Variants in RIT2 observed in about 807,000 individuals in gnomAD.
RIT2 encodes the protein GTP-binding protein Rit2.
Under a neutral mutation model 23.7 loss-of-function variants are expected in RIT2, and 24 were observed. The observed-to-expected ratio is 1.01, with a 90% CI of 0.73 to 1.43. The LOEUF (loss-of-function observed/expected upper bound fraction) is 1.43. Among genes scored for constraint, RIT2 ranks in the 40% most tolerant of loss-of-function variants. The pLI, the probability that RIT2 is intolerant of heterozygous loss-of-function variation, is 0.00. For missense variants in RIT2, 236 were observed against 266.9 expected (o/e 0.88, Z 0.81); for synonymous variants, 107 against 91.1 (o/e 1.17, Z -0.99).
intron 1 of RIT2, among the ~76,000 whole-genome samples, chr18:43,072,479 A>G (rs946172043): frequency 6.6e-6 from 1 of 152,238 alleles, no homozygotes; most frequent in Non-Finnish European, 1.5e-5. Flanking sequence ...AAAACAGGAC[A>G]TCATTCTCAG....
At chr18:42,950,547 G>A (rs1026269297) in intron 3 of RIT2, among the ~76,000 whole-genome samples, 2 of 151,914 alleles carry the variant, frequency 1.3e-5, no homozygotes, top group East Asian at 3.9e-4. Flanking sequence ...ACAAGTGGGA[G>A]CTGATTAAAC....
At chr18:42,973,198 A>G (rs996002238) in intron 3 of RIT2, among the ~76,000 whole-genome samples, 7 of 151,720 alleles carry the variant, frequency 4.6e-5, no homozygotes, top group Admixed American at 1.3e-4. Flanking sequence ...TTTGTTCAAT[A>G]TGATACTGAC....
At chr18:42,837,153 CTTTTTTT>C (rs570701535) in intron 4 of RIT2, among the ~76,000 whole-genome samples, 22 of 51,698 alleles carry the variant, frequency 4.3e-4, no homozygotes, top group Admixed American at 1.1e-3. Context: ...TTTTCTTTTT[CTTTTTTT>C]TTTTTTTTTT....
chr18:42,859,376 C>A (rs903815194), intron 4 of RIT2, among the ~76,000 whole-genome samples: 3 of 152,150 alleles, frequency 2.0e-5, no homozygotes, highest in Non-Finnish European at 4.4e-5. Flanking sequence ...TATTCAAATT[C>A]TCGGCTGATT....
At chr18:43,014,673 G>C (rs1372131659) in intron 2 of RIT2, among the ~76,000 whole-genome samples, 10 of 150,922 alleles carry the variant, frequency 6.6e-5, no homozygotes, top group Non-Finnish European at 1.5e-4. Flanking sequence ...AAAAAAGGAA[G>C]AAAACGTGGG....
Position 43,016,444 on chromosome 18 carries a change from C to A in RIT2, c.160+17367G>T, listed in dbSNP as rs567794168. Reference sequence around the variant, plus strand: ...AGGCTCAGATTGGATCAATAACTTGCAGAGAAGGACAACTAATTTGGACTC... The same window carrying A: ...AGGCTCAGATTGGATCAATAACTTGAAGAGAAGGACAACTAATTTGGACTC... On this transcript the variant is annotated intron_variant, in intron 2 of 4. Coordinates refer to ENST00000326695, the MANE Select transcript of RIT2 (RefSeq NM_002930.4). Among the ~76,000 whole-genome samples the A allele has an allele frequency of 4.0e-5, 6 of 151,864 alleles. No individual in the cohort carries two copies. In the East Asian group the frequency reaches 1.2e-3, roughly 29 times the overall value.
At chr18:42,756,450 A>AG (rs576605839) in intron 4 of RIT2, among the ~76,000 whole-genome samples, 1 of 152,154 alleles carries the variant, frequency 6.6e-6, no homozygotes, top group African/African-American at 2.4e-5. Context: ...TCTGGTGTGC[A>AG]GGGGGGAAAG....
intron 2 of RIT2, among the ~76,000 whole-genome samples, chr18:42,992,591 C>G (rs1433216510): frequency 6.6e-6 from 1 of 152,108 alleles, no homozygotes; most frequent in Non-Finnish European, 1.5e-5. Flanking sequence ...CTCCGATCCT[C>G]CACCCTATAA....
At chr18:42,777,869 A>G (rs1273026030) in intron 4 of RIT2, among the ~76,000 whole-genome samples, 1 of 152,210 alleles carries the variant, frequency 6.6e-6, no homozygotes, top group Non-Finnish European at 1.5e-5. Flanking sequence ...AAACCACATA[A>G]TCTCTTGCTA....
At chr18:42,896,350 G>C (rs908583646) in intron 4 of RIT2, among the ~76,000 whole-genome samples, 3 of 152,214 alleles carry the variant, frequency 2.0e-5, no homozygotes, top group African/African-American at 7.2e-5. Context: ...AATCTGTAGA[G>C]ACAATGACAG....
At chr18:42,748,235 C>A (rs550849162) in intron 4 of RIT2, among the ~76,000 whole-genome samples, 2 of 151,770 alleles carry the variant, frequency 1.3e-5, no homozygotes, top group Admixed American at 1.3e-4. Context: ...TGAAAGAAAT[C>A]CGCAAGAAAA....
intron 4 of RIT2, among the ~76,000 whole-genome samples, chr18:42,863,962 T>C (rs367566432): frequency 6.6e-6 from 1 of 151,720 alleles, no homozygotes; most frequent in African/African-American, 2.4e-5. Flanking sequence ...AAAGAAACAA[T>C]GATGAGATAT....
intron 4 of RIT2, among the ~76,000 whole-genome samples, chr18:42,805,050 G>T (rs904002547): frequency 6.6e-6 from 1 of 152,072 alleles, no homozygotes. Context: ...AAAAATTTAA[G>T]ACTAAAGACC....
chr18:43,099,473 G>A (rs1453833584), intron 1 of RIT2, among the ~76,000 whole-genome samples: 1 of 151,760 alleles, frequency 6.6e-6, no homozygotes, highest in African/African-American at 2.4e-5. Context: ...TAAACTATCA[G>A]TCTTTTTGTT....
chr18:42,866,403 A>G (rs1176280110), intron 4 of RIT2, among the ~76,000 whole-genome samples: 1 of 152,170 alleles, frequency 6.6e-6, no homozygotes, highest in East Asian at 1.9e-4. Flanking sequence ...TAGATAGTGA[A>G]GAAAGAAAAG....
chr18:43,061,926 G>C (rs1422013301), intron 1 of RIT2, among the ~76,000 whole-genome samples: 1 of 152,174 alleles, frequency 6.6e-6, no homozygotes, highest in East Asian at 1.9e-4. Flanking sequence ...CTGAGCTGCG[G>C]GCAGTGGGAG....
intron 4 of RIT2, among the ~76,000 whole-genome samples, chr18:42,777,491 G>A (rs935789474): frequency 1.2e-4 from 18 of 152,154 alleles, no homozygotes; most frequent in East Asian, 3.9e-4. Flanking sequence ...GAAAATAACC[G>A]GGGAAATGTG....
At chr18:43,019,930 T>C (rs1173889907) in intron 2 of RIT2, among the ~76,000 whole-genome samples, 2 of 151,526 alleles carry the variant, frequency 1.3e-5, no homozygotes, top group Non-Finnish European at 2.9e-5. Flanking sequence ...TTCAATCCCA[T>C]CTACAATAGT....
At chr18:42,966,438 A>G (rs1426418249) in intron 3 of RIT2, among the ~76,000 whole-genome samples, 1 of 152,168 alleles carries the variant, frequency 6.6e-6, no homozygotes, top group Admixed American at 6.5e-5. Flanking sequence ...AAGTATATGT[A>G]TATTTTCTAA....
Sources: allele counts gnomAD v4.1 joint callset (sites outside exome capture counted in the v4.1 genomes callset), GRCh38; gene constraint gnomAD v4.1.1; transcripts MANE v1.5; gene names NCBI Gene and HGNC (gene_info 2026-07-23, HGNC 2026-07-21).